Variants in MOCOS observed in about 807,000 individuals in gnomAD.
The protein encoded by MOCOS is human molybdenum cofactor sulfurase.
MOCOS carries 86 observed loss-of-function variants against 83.6 expected under a neutral mutation model. The ratio of observed to expected loss-of-function variants is 1.03; its 90% CI spans 0.86 to 1.23. The LOEUF is 1.23. Among genes scored for constraint, MOCOS ranks in the 50% most tolerant of loss-of-function variants. The probability of loss-of-function intolerance (pLI) is 0.00; values close to 1 mark genes in which losing one functional copy is unlikely to be tolerated. For synonymous variants in MOCOS, 445 were observed against 434.7 expected, an observed-to-expected ratio of 1.02 and a Z score of -0.29; for missense variants, 1,120 against 1,126.9, an observed-to-expected ratio of 0.99 and a Z score of 0.09.
rs2091406939 is a variant in MOCOS, at chr18:36,200,161, A to G, written c.778A>G (p.Ile260Val). ...AGCTCACCAGGCCGACTTTGTCCCC[A>G]TCTCCTTCTATAAGATCTTCGGGTT... ...LSAHQADFVP[I>V]SFYKIFGFPT... Residue 260 changes from isoleucine to valine, a missense_variant, in exon 4 of 15, where the codon ATC (isoleucine) becomes GTC (valine). Physicochemically the swap from Ile to Val is conservative, Grantham distance 29 (BLOSUM62 3). Coordinates refer to ENST00000261326, the MANE Select transcript of MOCOS (RefSeq NM_017947.4). The G allele has an allele frequency of 6.2e-7, 1 of 1,614,098 alleles. No homozygotes were observed. The highest frequency in any genetic ancestry group is 8.5e-7 in the Non-Finnish European group (1 of 1,179,998).
At position 36,199,990 on chromosome 18, in the gene MOCOS, C is replaced by T. The variant is rs1321264680; in HGVS notation, c.607C>T (p.Gln203Ter). ...GCCGCATCTCTTCTGCTACCCAGCT[C>T]AGAGTAACTTTTCTGGAGTCAGATA... is the stretch of plus-strand genomic sequence containing the variant. ...QLPHLFCYPA[Q>*]SNFSGVRYPL... is the part of the protein sequence containing the mutation. Residue 203 changes from glutamine (Q) to a stop codon, truncating the protein, a stop_gained, in exon 4 of 15, where the codon CAG (glutamine) becomes TAG (stop). Coordinates refer to ENST00000261326, the MANE Select transcript of MOCOS (RefSeq NM_017947.4). LOFTEE classifies it high-confidence loss of function. 1 of 1,614,250 alleles carries T rather than the reference C, an allele frequency of 6.2e-7. No homozygotes were observed. The highest frequency in any genetic ancestry group is 8.5e-7 in the Non-Finnish European group (1 of 1,180,054).
chr18:36,220,630 T>C (rs1214917571), intron 9 of MOCOS, among the ~76,000 whole-genome samples: 1 of 152,132 alleles, frequency 6.6e-6, no homozygotes, highest in African/African-American at 2.4e-5. Flanking sequence ...GACAGTTCAA[T>C]CAGACGGTAA....
At chr18:36,200,956 T>C (rs995497294) in intron 4 of MOCOS, among the ~76,000 whole-genome samples, 2 of 152,224 alleles carry the variant, frequency 1.3e-5, no homozygotes, top group African/African-American at 2.4e-5. Flanking sequence ...GCCTGGGTTG[T>C]TGGCATATGC....
intron 7 of MOCOS, 118 bp downstream of exon 7, chr18:36,213,600 G>T: frequency 1.2e-6 from 1 of 843,836 alleles, no homozygotes; most frequent in South Asian, 1.4e-5. Context: ...CGCCTACTCT[G>T]TGCATGTACA....
intron 9 of MOCOS, among the ~76,000 whole-genome samples, chr18:36,237,393 G>A (rs1264283736): frequency 4.0e-5 from 6 of 151,504 alleles, no homozygotes; most frequent in African/African-American, 1.2e-4. Flanking sequence ...AGATAATCAT[G>A]TGGTTTTTGT....
chr18:36,193,270 C>G (rs2091373406), intron 1 of MOCOS, among the ~76,000 whole-genome samples: 1 of 129,156 alleles, frequency 7.7e-6, no homozygotes. Flanking sequence ...GAGATTGCGC[C>G]ACTGCAGTCC....
At chr18:36,204,649 T>G (rs2144905947) in intron 5 of MOCOS, among the ~76,000 whole-genome samples, 1 of 152,240 alleles carries the variant, frequency 6.6e-6, no homozygotes, top group African/African-American at 2.4e-5. Flanking sequence ...TTTAAAATTA[T>G]TAATGTGAGG....
intron 4 of MOCOS, among the ~76,000 whole-genome samples, chr18:36,202,163 C>T (rs1397872177): frequency 6.6e-6 from 1 of 152,208 alleles, no homozygotes; most frequent in Non-Finnish European, 1.5e-5. Flanking sequence ...ATTTAATACT[C>T]AACCTAAAGG....
intron 10 of MOCOS, among the ~76,000 whole-genome samples, chr18:36,250,064 C>G (rs1182480797): frequency 2.0e-5 from 3 of 152,010 alleles, no homozygotes; most frequent in Non-Finnish European, 2.9e-5. Context: ...TTATCTGTAC[C>G]TGAATACATG....
At position 36,264,594 on chromosome 18, in the gene MOCOS, G is replaced by A. The variant is rs371634477; in HGVS notation, c.2410-2155G>A. ...CCTGATGTAGTTCTCACCAAATACA[G>A]CCAAGAATCTAGACAAGGAAACGAT... On this transcript the variant is annotated intron_variant, in intron 13 of 14. Coordinates refer to ENST00000261326, the MANE Select transcript of MOCOS (RefSeq NM_017947.4). Among the ~76,000 whole-genome samples the A allele has an allele frequency of 4.3e-4, 66 of 152,238 alleles. 1 individual carries two copies. The South Asian group carries it at 0.013, about 30-fold the overall frequency.
rs1347218113 is a variant in MOCOS at position 36,268,399 on chromosome 18, AT to A, written c.2515-133del. 3 of 1,056,292 alleles carry A rather than the reference AT, an allele frequency of 2.8e-6. No individual in the cohort carries two copies. In the African/African-American group the frequency reaches 4.7e-5, roughly 17 times the overall value. 65.4% of individuals were successfully genotyped at this position (1,056,292 alleles called of 1,614,324 possible). ...TCCAGTGCATTCTACTGTGTAACAG[AT>A]AGGAGATATCAAGTCTCAGTATATG... On this transcript the variant is annotated intron_variant, in intron 14 of 14. Coordinates refer to ENST00000261326, the MANE Select transcript of MOCOS (RefSeq NM_017947.4).
intron 13 of MOCOS, among the ~76,000 whole-genome samples, chr18:36,262,843 T>C (rs2091668790): frequency 6.6e-6 from 1 of 152,226 alleles, no homozygotes; most frequent in South Asian, 2.1e-4. Flanking sequence ...GCACAGTGGC[T>C]CATGCCTGAA....
intron 9 of MOCOS, among the ~76,000 whole-genome samples, chr18:36,243,650 C>T (rs544466654): frequency 9.2e-5 from 14 of 152,026 alleles, no homozygotes; most frequent in African/African-American, 3.4e-4. Flanking sequence ...AGGGAGGATT[C>T]CCTCTGTCTC....
At chr18:36,249,566 C>T (rs978476228) in intron 10 of MOCOS, among the ~76,000 whole-genome samples, 1 of 152,000 alleles carries the variant, frequency 6.6e-6, no homozygotes, top group Non-Finnish European at 1.5e-5. Context: ...CCAGAGGAGG[C>T]CTCATAGGGA....
In MOCOS at chr18:36,269,408, G is replaced by A. The variant is rs2091692351; in HGVS notation, c.*723G>A. On this transcript the variant is annotated 3_prime_UTR_variant, in exon 15 of 15. Transcript: ENST00000261326. ...CATCCTCCCCTCCACAAGCCCACAG[G>A]ATGGTGTTGGTCCATCACCCGAGAG... is the stretch of plus-strand genomic sequence containing the variant. 1 of 152,554 alleles carries A rather than the reference G, an allele frequency of 6.6e-6. No homozygotes were observed. Among genetic ancestry groups the A allele is most frequent in the African/African-American group, 2.4e-5 (1 of 41,444 alleles). The allele number at this position is 152,554 out of a possible 1,614,324, so 9.5% of individuals were successfully genotyped here. A position where few individuals can be genotyped will look rare whatever the true frequency, so the allele number is the denominator to read the frequency against.
In MOCOS at chr18:36,200,163, C is replaced by G; in HGVS notation, c.780C>G (p.Ile260Met). 2.5e-6 allele frequency: 4 copies of G among 1,614,240 alleles called. No individual in the cohort carries two copies. The highest frequency in any genetic ancestry group is 3.4e-6 in the Non-Finnish European group (4 of 1,180,046). The part of the protein sequence containing the change: ...LSAHQADFVP[I>M]SFYKIFGFPT... ...CTCACCAGGCCGACTTTGTCCCCATCTCCTTCTATAAGATCTTCGGGTTTC... is the reference window on the plus strand; with the variant it reads ...CTCACCAGGCCGACTTTGTCCCCATGTCCTTCTATAAGATCTTCGGGTTTC... Residue 260 changes from isoleucine to methionine, a missense_variant, in exon 4 of 15, where the codon ATC (isoleucine) becomes ATG (methionine). Coordinates refer to ENST00000261326, the MANE Select transcript of MOCOS (RefSeq NM_017947.4).
rs2091692977 is a variant in MOCOS at position 36,269,653 on chromosome 18, C to G, written c.*968C>G. 3 of 152,248 alleles carry G rather than the reference C, an allele frequency of 2.0e-5. No individual in the cohort carries two copies. The highest frequency in any genetic ancestry group is 2.9e-5 in the Non-Finnish European group (2 of 68,084). 9.4% of individuals were successfully genotyped at this position (152,248 alleles called of 1,614,324 possible). A position where few individuals can be genotyped will look rare whatever the true frequency, so the allele number is the denominator to read the frequency against. On this transcript the variant is annotated 3_prime_UTR_variant, in exon 15 of 15. Transcript: ENST00000261326. ...CATGACTTCCAGCCTGGGGTCTTAC[C>G]CTGTCCTCTGGAGCAATGCAGAGTG... is the stretch of plus-strand genomic sequence containing the variant.
chr18:36,231,254 T>A (rs1017713788), intron 9 of MOCOS, among the ~76,000 whole-genome samples: 1 of 152,222 alleles, frequency 6.6e-6, no homozygotes, highest in Non-Finnish European at 1.5e-5. Context: ...GCTATATATT[T>A]GGTATCTTAA....
At chr18:36,213,680 G>A (rs2091464159) in intron 7 of MOCOS, among the ~76,000 whole-genome samples, 198 bp downstream of exon 7, 2 of 152,230 alleles carry the variant, frequency 1.3e-5, no homozygotes, top group South Asian at 4.1e-4. Context: ...TGTAATCCCA[G>A]CACTTTGGGA....
Sources: gnomAD v4.1 joint callset for allele counts (sites outside exome capture counted in the v4.1 genomes callset) on GRCh38, gnomAD v4.1.1 for gene constraint, MANE v1.5 for transcripts, NCBI Gene and HGNC (gene_info 2026-07-23, HGNC 2026-07-21) for gene names.